CNTNAP2: variants seen among roughly 807,000 people sequenced by gnomAD.
CNTNAP2 encodes contactin-associated protein-like 2.
A neutral mutation model predicts 155.2 loss-of-function variants in CNTNAP2; 98 were observed. The observed-to-expected ratio is 0.63, with a 90% confidence interval of 0.54 to 0.75. The LOEUF (loss-of-function observed/expected upper bound fraction) is 0.75, where lower values mean the gene tolerates loss of function less well. Among genes scored for constraint, CNTNAP2 ranks in the 30% least tolerant of loss-of-function variants. The probability of loss-of-function intolerance (pLI) is 0.00; values close to 1 mark genes in which losing one functional copy is unlikely to be tolerated. For missense variants in CNTNAP2, 1,727 were observed against 1,688.1 expected, an observed-to-expected ratio of 1.02 and a Z score of -0.40; for synonymous variants, 651 against 631.2, an observed-to-expected ratio of 1.03 and a Z score of -0.47.
intron 21 of CNTNAP2, among the ~76,000 whole-genome samples, chr7:148,316,350 A>T (rs929802594): frequency 1.5e-3 from 15 of 9,988 alleles, no homozygotes; most frequent in Middle Eastern, 0.1. Context: ...AAAATATATT[A>T]AAAAAAAAAG....
intron 9 of CNTNAP2, among the ~76,000 whole-genome samples, chr7:147,360,677 G>C (rs1176483078): frequency 6.6e-6 from 1 of 151,802 alleles, no homozygotes; most frequent in East Asian, 1.9e-4. Context: ...ATGTCACACT[G>C]TGTTCTTTCT....
At chr7:147,937,614 C>T (rs1800634811) in intron 14 of CNTNAP2, among the ~76,000 whole-genome samples, 1 of 152,228 alleles carries the variant, frequency 6.6e-6, no homozygotes, top group Admixed American at 6.5e-5. Flanking sequence ...CACTCTCTCT[C>T]CTGCCTGAGT....
In CNTNAP2 at chr7:148,199,714, A is replaced by G. The variant is rs1476801329; in HGVS notation, c.3011-17574A>G. On this transcript the variant is annotated intron_variant, in intron 18 of 23. Transcript: ENST00000361727. Reference sequence around the variant, plus strand: ...GATTTTAAAGACTTAGCATGAAACAATAGGTTTATGTGTTAGTCAAGGTTC... The same window carrying G: ...GATTTTAAAGACTTAGCATGAAACAGTAGGTTTATGTGTTAGTCAAGGTTC... Among the ~76,000 whole-genome samples, 3 of 152,340 alleles carry G rather than the reference A, an allele frequency of 2.0e-5. No individual in the cohort carries two copies. In the East Asian group the frequency reaches 5.8e-4, roughly 29 times the overall value.
chr7:148,149,672 C>T (rs1379623686), intron 17 of CNTNAP2, among the ~76,000 whole-genome samples: 1 of 152,090 alleles, frequency 6.6e-6, no homozygotes, highest in East Asian at 1.9e-4. Flanking sequence ...CTGCCTCAGC[C>T]TCCTGAGCAG....
At chr7:147,218,488 C>T (rs1803323398) in intron 8 of CNTNAP2, among the ~76,000 whole-genome samples, 2 of 151,728 alleles carry the variant, frequency 1.3e-5, no homozygotes, top group South Asian at 4.2e-4. Context: ...TGAAATTTCC[C>T]ACTTTATCCA....
intron 9 of CNTNAP2, among the ~76,000 whole-genome samples, chr7:147,359,932 C>T (rs1796119774): frequency 6.6e-6 from 1 of 152,056 alleles, no homozygotes; most frequent in Non-Finnish European, 1.5e-5. Flanking sequence ...TTTTTATAAA[C>T]AACATAAACT....
intron 1 of CNTNAP2, among the ~76,000 whole-genome samples, chr7:146,334,164 G>A (rs1801231936): frequency 6.6e-6 from 1 of 152,152 alleles, no homozygotes; most frequent in African/African-American, 2.4e-5. Context: ...GGGCGCGGTG[G>A]CTCACGCCTG....
intron 1 of CNTNAP2, among the ~76,000 whole-genome samples, chr7:146,433,355 T>G (rs930367422): frequency 6.6e-6 from 1 of 152,076 alleles, no homozygotes; most frequent in Non-Finnish European, 1.5e-5. Flanking sequence ...CAGTGACTCT[T>G]GAGCTGTGAT....
In CNTNAP2 at chr7:147,423,918, G is replaced by T. The variant is rs544408623; in HGVS notation, c.1670+28138G>T. Among the ~76,000 whole-genome samples the T allele has an allele frequency of 5.3e-4, 81 of 152,070 alleles. 1 individual carries two copies. Among genetic ancestry groups the T allele is most frequent in the Non-Finnish European group, 9.9e-4 (67 of 68,010 alleles). ...TTATGACTCCCTTGCAATCACCTTTGATTTCTTTGCTCCTCTCTCTTTCCT... is the reference window on the plus strand; with the variant it reads ...TTATGACTCCCTTGCAATCACCTTTTATTTCTTTGCTCCTCTCTCTTTCCT... On this transcript the variant is annotated intron_variant, in intron 10 of 23. Coordinates refer to ENST00000361727, the MANE Select transcript of CNTNAP2 (RefSeq NM_014141.6).
intron 1 of CNTNAP2, among the ~76,000 whole-genome samples, chr7:146,760,625 A>G (rs1172048615): frequency 6.6e-6 from 1 of 151,662 alleles, no homozygotes; most frequent in Non-Finnish European, 1.5e-5. Context: ...GGTTTTCACC[A>G]TGATGCCCAG....
At chr7:146,864,494 T>C (rs1049599183) in intron 3 of CNTNAP2, among the ~76,000 whole-genome samples, 14 of 152,152 alleles carry the variant, frequency 9.2e-5, no homozygotes, top group African/African-American at 3.4e-4. Flanking sequence ...TGTTAAACAA[T>C]AGAATATTAT....
In CNTNAP2 at chr7:147,818,063, T is replaced by A. The variant is rs537621814; in HGVS notation, c.2099-85502T>A. Among the ~76,000 whole-genome samples the A allele has an allele frequency of 9.5e-4, 145 of 152,130 alleles. 1 individual carries two copies. Among genetic ancestry groups the A allele is most frequent in the Admixed American group, 1.2e-3 (18 of 15,288 alleles). On this transcript the variant is annotated intron_variant, in intron 13 of 23. Coordinates refer to ENST00000361727, the MANE Select transcript of CNTNAP2 (RefSeq NM_014141.6). Reference sequence around the variant, plus strand: ...ACAGAATTTTTCATTAATTTTTTTTTAAAAAAATCAGTTATTCCCACATAA... The same window carrying A: ...ACAGAATTTTTCATTAATTTTTTTTAAAAAAAATCAGTTATTCCCACATAA...
At chr7:147,813,262 C>T (rs1267762331) in intron 13 of CNTNAP2, among the ~76,000 whole-genome samples, 1 of 152,074 alleles carries the variant, frequency 6.6e-6, no homozygotes, top group East Asian at 1.9e-4. Flanking sequence ...CTAGTCTCAC[C>T]AGGGGAAGTT....
chr7:146,184,649 A>G (rs180802292), intron 1 of CNTNAP2, among the ~76,000 whole-genome samples: 1 of 152,316 alleles, frequency 6.6e-6, no homozygotes, highest in East Asian at 1.9e-4. Context: ...ACAGTTCCCC[A>G]GGTGGATATT....
chr7:147,198,876 G>T (rs1287508832), intron 8 of CNTNAP2, among the ~76,000 whole-genome samples: 1 of 151,796 alleles, frequency 6.6e-6, no homozygotes, highest in East Asian at 1.9e-4. Flanking sequence ...GGGTGATTGT[G>T]GATACCAGAG....
At chr7:148,105,973 G>A (rs543799337) in intron 15 of CNTNAP2, among the ~76,000 whole-genome samples, 1 of 152,302 alleles carries the variant, frequency 6.6e-6, no homozygotes, top group Non-Finnish European at 1.5e-5. Flanking sequence ...ACCAAGTTAG[G>A]AGGCTGCTGC....
chr7:148,367,954 GAA>G lies in CNTNAP2; in HGVS notation c.3476-15692_3476-15691del, dbSNP rs539844061. On this transcript the variant is annotated intron_variant, in intron 21 of 23. Transcript: ENST00000361727. ...AGGACTAGAGAATGTGCCCAGCTGA[GAA>G]AATAAGCACACAGCGAGCATTGTCA... is the stretch of plus-strand genomic sequence containing the variant. Among the ~76,000 whole-genome samples, 8 of 152,284 alleles carry G rather than the reference GAA, an allele frequency of 5.3e-5. No homozygotes were observed. The South Asian group carries it at 1.7e-3, about 32-fold the overall frequency.
At chr7:147,204,930 A>G (rs1460412411) in intron 8 of CNTNAP2, among the ~76,000 whole-genome samples, 1 of 152,174 alleles carries the variant, frequency 6.6e-6, no homozygotes, top group Non-Finnish European at 1.5e-5. Flanking sequence ...TTAACATATT[A>G]AAGTAATAAA....
intron 10 of CNTNAP2, among the ~76,000 whole-genome samples, chr7:147,410,138 C>T (rs980724613): frequency 1.3e-5 from 2 of 152,168 alleles, no homozygotes; most frequent in African/African-American, 4.8e-5. Flanking sequence ...ATAGCAAAGA[C>T]ATGGAATCAA....
Sources: gnomAD v4.1 joint callset for allele counts (sites outside exome capture counted in the v4.1 genomes callset) on GRCh38, gnomAD v4.1.1 for gene constraint, MANE v1.5 for transcripts, NCBI Gene and HGNC (gene_info 2026-07-23, HGNC 2026-07-21) for gene names.